The following KCNB2 variants were observed in gnomAD, a reference collection of about 807,000 sequenced individuals.
KCNB2 encodes the protein potassium voltage-gated channel subfamily B member 2.
In KCNB2, 15 loss-of-function variants were observed where a neutral mutation model predicts 61.5. The ratio of observed to expected loss-of-function variants is 0.24; its 90% CI spans 0.16 to 0.38. The LOEUF is 0.38. Ranked by LOEUF, KCNB2 falls within the 10% of genes least tolerant of loss-of-function variation. The pLI is 1.00. For synonymous variants in KCNB2, 457 were observed against 446.0 expected, an observed-to-expected ratio of 1.02 and a Z score of -0.31; for missense variants, 828 against 1,125.2, an observed-to-expected ratio of 0.74 and a Z score of 3.78.
At chr8:72,872,303 C>T (rs756344610) in intron 2 of KCNB2, among the ~76,000 whole-genome samples, 3 of 152,190 alleles carry the variant, frequency 2.0e-5, no homozygotes, top group Non-Finnish European at 4.4e-5. Flanking sequence ...GAGCTCTGAC[C>T]ATCTTTCTCA....
At chr8:72,580,554 A>G (rs1806874773) in intron 2 of KCNB2, among the ~76,000 whole-genome samples, 1 of 152,214 alleles carries the variant, frequency 6.6e-6, no homozygotes, top group Non-Finnish European at 1.5e-5. Flanking sequence ...ACAGTGAATC[A>G]TAAATTCCAC....
chr8:72,698,396 A>C (rs754400197), intron 2 of KCNB2, among the ~76,000 whole-genome samples: 2 of 152,172 alleles, frequency 1.3e-5, no homozygotes, highest in Non-Finnish European at 2.9e-5. Flanking sequence ...TTCTACATTC[A>C]TGGGGTAGAA....
chr8:72,910,571 A>G (rs1412367765), intron 2 of KCNB2, among the ~76,000 whole-genome samples: 4 of 152,212 alleles, frequency 2.6e-5, no homozygotes, highest in African/African-American at 9.6e-5. Context: ...GAGAGGCTTG[A>G]AGAAACTCTA....
intron 2 of KCNB2, among the ~76,000 whole-genome samples, chr8:72,901,410 C>T (rs984863847): frequency 1.1e-4 from 16 of 152,228 alleles, no homozygotes; most frequent in African/African-American, 3.9e-4. Context: ...ACACATTATT[C>T]CTTTTGAAAA....
rs1198813678 is a variant in KCNB2 at position 72,567,756 on chromosome 8, G to A, written c.22G>A (p.Gly8Ser). The A allele has an allele frequency of 6.3e-7, 1 of 1,582,336 alleles. No individual in the cohort carries two copies. The highest frequency in any genetic ancestry group is 1.8e-5 in the Admixed American group (1 of 54,736). The change falls in exon 2 of 3, where the codon GGC becomes AGC. Residue 8 changes from glycine to serine, a missense_variant. Gly to Ser is a moderately conservative substitution (Grantham distance 56). Around this residue, in one of 4 missense-constraint regions of KCNB2, gnomAD observed 62 missense variants for 54.8 expected, o/e 1.13. Coordinates refer to ENST00000523207, the MANE Select transcript of KCNB2 (RefSeq NM_004770.3). MAEKAPP[G>S]LNRKTSRSTL... ...CAAAATGGCAGAAAAGGCTCCCCCG[G>A]GCTTAAACAGGAAGACTTCAAGGTC... is the stretch of plus-strand genomic sequence containing the variant.
intron 1 of KCNB2, among the ~76,000 whole-genome samples, chr8:72,547,925 G>A (rs186522023): frequency 2.0e-5 from 3 of 152,210 alleles, no homozygotes; most frequent in Non-Finnish European, 2.9e-5. Context: ...AGACACAACT[G>A]TGCAAACTTC....
At chr8:72,851,443 A>G (rs1810105563) in intron 2 of KCNB2, among the ~76,000 whole-genome samples, 1 of 152,180 alleles carries the variant, frequency 6.6e-6, no homozygotes, top group African/African-American at 2.4e-5. Flanking sequence ...TTCAAAATGA[A>G]TTTTGATGTG....
At chr8:72,846,252 T>C (rs7817468) in intron 2 of KCNB2, among the ~76,000 whole-genome samples, 140,867 of 152,198 alleles carry the variant, frequency 0.93, 65,882 homozygotes, top group African/African-American at 0.99. Flanking sequence ...CACCCTGCTT[T>C]GGCTCACCCT....
chr8:72,760,242 A>AG (rs1208259355), intron 2 of KCNB2, among the ~76,000 whole-genome samples: 1 of 152,184 alleles, frequency 6.6e-6, no homozygotes, highest in African/African-American at 2.4e-5. Flanking sequence ...GACCTCTCTG[A>AG]GCTTCCATTC....
At chr8:72,895,229 T>G (rs1195327639) in intron 2 of KCNB2, among the ~76,000 whole-genome samples, 1 of 152,180 alleles carries the variant, frequency 6.6e-6, no homozygotes, top group African/African-American at 2.4e-5. Context: ...ATTAAGGTGC[T>G]GATTAGCTGA....
chr8:72,767,389 C>T (rs1259797966), intron 2 of KCNB2, among the ~76,000 whole-genome samples: 5 of 152,166 alleles, frequency 3.3e-5, no homozygotes, highest in Admixed American at 6.5e-5. Flanking sequence ...AAACAGAAAT[C>T]CCATGCTTAT....
intron 2 of KCNB2, among the ~76,000 whole-genome samples, chr8:72,584,627 G>T (rs114581169): frequency 6.6e-6 from 1 of 152,046 alleles, no homozygotes; most frequent in African/African-American, 2.4e-5. Flanking sequence ...CTGCCCACCC[G>T]TGCCCTTGCA....
chr8:72,674,163 G>C (rs140253783), intron 2 of KCNB2, among the ~76,000 whole-genome samples: 1 of 152,142 alleles, frequency 6.6e-6, no homozygotes, highest in Admixed American at 6.6e-5. Context: ...AACCCTAAGC[G>C]TAACTCTGAT....
chr8:72,609,561 C>T (rs766658977), intron 2 of KCNB2, among the ~76,000 whole-genome samples: 3 of 152,156 alleles, frequency 2.0e-5, no homozygotes. Context: ...TTAGAATTTT[C>T]TGTTGCCCTT....
intron 2 of KCNB2, among the ~76,000 whole-genome samples, chr8:72,670,188 C>T (rs951876921): frequency 2.0e-5 from 3 of 152,194 alleles, no homozygotes; most frequent in Non-Finnish European, 4.4e-5. Flanking sequence ...TGCTCAACCA[C>T]CCACGTGAAC....
intron 1 of KCNB2, among the ~76,000 whole-genome samples, chr8:72,551,398 G>A (rs992416257): frequency 4.6e-5 from 7 of 152,018 alleles, no homozygotes; most frequent in African/African-American, 1.2e-4. Flanking sequence ...TGTACATGAC[G>A]GGCTCTGGTC....
At chr8:72,718,719 T>C (rs955873221) in intron 2 of KCNB2, among the ~76,000 whole-genome samples, 41 of 151,384 alleles carry the variant, frequency 2.7e-4, no homozygotes, top group African/African-American at 1.0e-3. Flanking sequence ...TGCTAAATGA[T>C]GAGTTAATGG....
intron 2 of KCNB2, among the ~76,000 whole-genome samples, chr8:72,581,620 G>C (rs556515985): frequency 6.6e-6 from 1 of 152,258 alleles, no homozygotes; most frequent in Non-Finnish European, 1.5e-5. Flanking sequence ...AGTAATGCTG[G>C]GTTTGTTTTC....
At chr8:72,844,735 T>C (rs1444263682) in intron 2 of KCNB2, among the ~76,000 whole-genome samples, 1 of 152,256 alleles carries the variant, frequency 6.6e-6, no homozygotes, top group Non-Finnish European at 1.5e-5. Context: ...AATTCGGCTA[T>C]TGATGCTTGT....
Sources: allele counts gnomAD v4.1 joint callset (sites outside exome capture counted in the v4.1 genomes callset), GRCh38; gene constraint gnomAD v4.1.1; regional missense constraint gnomAD v4.1.1; transcripts MANE v1.5; gene names NCBI Gene and HGNC (gene_info 2026-07-23, HGNC 2026-07-21).